ATG9B: variants seen among roughly 807,000 people sequenced by gnomAD.
ATG9B encodes autophagy-related protein 9B.
A neutral mutation model predicts 92.9 loss-of-function variants in ATG9B; 92 were observed. That is an observed-to-expected ratio of 0.99 (90% CI 0.84 to 1.18). The LOEUF is 1.18. ATG9B is among the 50% of genes most tolerant of loss of function. The pLI is 0.00. For synonymous variants in ATG9B, 599 were observed against 551.4 expected (o/e 1.09, Z -1.21); for missense variants, 1,344 against 1,235.0 (o/e 1.09, Z -1.32).
At position 151,021,190 on chromosome 7, in the gene ATG9B, G is replaced by C. The variant is rs1236745161; in HGVS notation, c.961C>G (p.Pro321Ala). 6.2e-7 allele frequency: 1 copy of C among 1,613,156 alleles called. No individual in the cohort carries two copies. Among genetic ancestry groups the C allele is most frequent in the East Asian group, 2.2e-5 (1 of 44,892 alleles). ...ACAGACACAGCCACCCAGCTCACCG[G>C]GGGGATGTGCAGGGCCTCCCTGTAA... ...VFYREALHIPPEELSSVPWAE... is the reference protein window; with the variant it reads ...VFYREALHIPAEELSSVPWAE... The change falls in exon 5 of 14, where the codon CCG (proline) becomes GCG (alanine). Residue 321 changes from proline (P) to alanine (A), a missense_variant and splice_region_variant. By Grantham distance (27) the Pro-to-Ala change is conservative. Coordinates refer to ENST00000639579, the MANE Select transcript of ATG9B (RefSeq NM_001317056.2).
intron 5 of ATG9B, chr7:151,019,698 G>A (rs963458604): frequency 1.4e-5 from 4 of 288,020 alleles, no homozygotes; most frequent in African/African-American, 8.7e-5. Flanking sequence ...GCTCCTTAAG[G>A]GCCTGAGGCC....
intron 1 of ATG9B, 29 bp from the exon 2 acceptor site, chr7:151,023,759 CT>C (rs1795839522): frequency 1.9e-6 from 3 of 1,613,824 alleles, no homozygotes; most frequent in Non-Finnish European, 2.5e-6. Context: ...GTGTCAGCCC[CT>C]GGCATGTGAT....
downstream of ATG9B, chr7:151,012,461 T>A: frequency 6.2e-7 from 1 of 1,612,102 alleles, no homozygotes; most frequent in Non-Finnish European, 8.5e-7. Context: ...CTGCATGACA[T>A]TGAGAGCAAA....
At position 151,019,259 on chromosome 7, in the gene ATG9B, C is replaced by A. The variant is rs765604444; in HGVS notation, c.1079G>T (p.Arg360Leu). ...RPLTELDIHH[R>L]ILRYTNYQVA... ...CTGGTAGTTGGTGTAGCGCAGGATGCGGTGGTGGATGTCCAGCTCCGTCAG... is the reference window on the plus strand; with the variant it reads ...CTGGTAGTTGGTGTAGCGCAGGATGAGGTGGTGGATGTCCAGCTCCGTCAG... The change falls in exon 6 of 14, where the codon CGC becomes CTC. Residue 360 changes from arginine (R) to leucine (L), a missense_variant. Arg to Leu is a moderately radical substitution (Grantham distance 102). Coordinates refer to ENST00000639579, the MANE Select transcript of ATG9B (RefSeq NM_001317056.2). 1 of 1,574,304 alleles carries A rather than the reference C, an allele frequency of 6.4e-7. No individual in the cohort carries two copies. The highest frequency in any genetic ancestry group is 8.6e-7 in the Non-Finnish European group (1 of 1,167,142).
chr7:151,017,942 C>T lies in ATG9B; in HGVS notation c.1981G>A (p.Val661Met). 4 of 1,609,784 alleles carry T rather than the reference C, an allele frequency of 2.5e-6. No individual in the cohort carries two copies. The highest frequency in any genetic ancestry group is 3.4e-6 in the Non-Finnish European group (4 of 1,177,984). The change falls in exon 8 of 14, where the codon GTG becomes ATG. Residue 661 changes from valine (V) to methionine (M), a missense_variant. Val to Met is a conservative substitution (Grantham distance 21, BLOSUM62 1). Transcript: ENST00000639579. ...EIIDFFHHFT[V>M]DVAGVGDICS... ...ATGTCCCCAACCCCAGCCACATCCA[C>T]AGTGAAGTGATGAAAAAAGTCGATA...
chr7:151,013,063 G>C (rs1228262387), downstream of ATG9B: 1 of 723,068 alleles, frequency 1.4e-6, no homozygotes, highest in Non-Finnish European at 2.3e-6. Flanking sequence ...GGCTGTGCAG[G>C]GTCTCTGTGA....
chr7:151,012,545 C>T, downstream of ATG9B: 1 of 1,522,568 alleles, frequency 6.6e-7, no homozygotes, highest in Non-Finnish European at 9.0e-7. Flanking sequence ...GGCTGGAAGG[C>T]AGGAAATAGG....
At chr7:151,013,813 C>T (rs779747649), downstream of ATG9B, 248 of 1,609,952 alleles carry the variant, frequency 1.5e-4, no homozygotes, top group South Asian at 1.2e-3. Context: ...TTGTCTGCGG[C>T]GATGTTACCA....
Position 151,024,039 on chromosome 7 carries a change from G to T in ATG9B, c.385C>A (p.Pro129Thr). The T allele has an allele frequency of 6.3e-7, 1 of 1,590,774 alleles. No individual in the cohort carries two copies. Among genetic ancestry groups the T allele is most frequent in the Admixed American group, 1.8e-5 (1 of 56,442 alleles). The change falls in exon 1 of 14, where the codon CCC becomes ACC. Residue 129 changes from proline to threonine, a missense_variant. Transcript: ENST00000639579. ...GAGTCCTGGGGGCACTGCTGTGAGG[G>T]AGTGGGGGTTGCCGGGGCCAGGGGT... ...TPPLAPATPT[P>T]SQQCPQDSPG...
At chr7:151,012,524 C>CA, downstream of ATG9B, 1 of 1,574,096 alleles carries the variant, frequency 6.4e-7, no homozygotes, top group Middle Eastern at 1.7e-4. Flanking sequence ...AATCTAGGGA[C>CA]AGAGGGGTGG....
chr7:151,017,977 G>C lies in ATG9B; in HGVS notation c.1946C>G (p.Ala649Gly), dbSNP rs780590552. ...LFLLFWFRPR[A>G]LEIIDFFHHF... is the part of the protein sequence containing the mutation. ...ATGAAAAAAGTCGATAATCTCCAGG[G>C]CACGAGGGCGGAACCAGAAAAGCAG... Residue 649 changes from alanine (A) to glycine (G), a missense_variant, in exon 8 of 14, where the codon GCC becomes GGC. Ala to Gly is a moderately conservative substitution (Grantham distance 60). Coordinates refer to ENST00000639579, the MANE Select transcript of ATG9B (RefSeq NM_001317056.2). The C allele has an allele frequency of 6.2e-7, 1 of 1,606,290 alleles. No individual in the cohort carries two copies. The highest frequency in any genetic ancestry group is 1.3e-5 in the African/African-American group (1 of 74,962).
At chr7:151,013,712 G>GCCGC, downstream of ATG9B, 1 of 1,157,588 alleles carries the variant, frequency 8.6e-7, no homozygotes, top group South Asian at 1.3e-5. Context: ...CCCTAACCCC[G>GCCGC]CCGCCCCGCA....
intron 9 of ATG9B, 65 bp downstream of exon 9, chr7:151,016,971 G>C (rs556699829): frequency 6.6e-7 from 1 of 1,524,838 alleles, no homozygotes; most frequent in African/African-American, 1.4e-5. Context: ...TGAGCCTAGA[G>C]GGGAAGGGTT....
intron 8 of ATG9B, 31 bp downstream of exon 8, chr7:151,017,840 C>G (rs1484931065): frequency 1.3e-6 from 2 of 1,552,354 alleles, no homozygotes; most frequent in South Asian, 2.4e-5. Context: ...CCACCCAGCC[C>G]AAACCCCCAG....
chr7:151,016,187 A>T lies in ATG9B; in HGVS notation c.2569T>A (p.Ser857Thr), dbSNP rs1256979431. 3 of 1,525,942 alleles carry T rather than the reference A, an allele frequency of 2.0e-6. No homozygotes were observed. The highest frequency in any genetic ancestry group is 4.2e-5 in the Admixed American group (2 of 48,130). The allele number at this position is 1,525,942 out of a possible 1,614,324, so 94.5% of individuals were successfully genotyped here. The change falls in exon 12 of 14, where the codon TCC becomes ACC. Residue 857 changes from serine to threonine, a missense_variant. By Grantham distance (58) the Ser-to-Thr change is moderately conservative. Coordinates refer to ENST00000639579, the MANE Select transcript of ATG9B (RefSeq NM_001317056.2). ...CTGGAGCAGGGCCTGGACAGGATGG[A>T]GGCTGCAGCCTCACCCCACGGCTCC... Reference protein sequence around the residue: ...QQEPWGEAAASILSRPCSSPS... With the variant: ...QQEPWGEAAATILSRPCSSPS...
chr7:151,013,701 G>A (rs1453627574), downstream of ATG9B: 1 of 879,826 alleles, frequency 1.1e-6, no homozygotes, highest in South Asian at 1.4e-5. Flanking sequence ...ACCAGGGCCC[G>A]CCCTAACCCC....
At chr7:151,012,224 TG>T, downstream of ATG9B, 1 of 841,428 alleles carries the variant, frequency 1.2e-6, no homozygotes, top group East Asian at 2.8e-5. Flanking sequence ...TTTTGTTTTT[TG>T]TTTTTTTTTT....
chr7:151,013,552 TCCCGCCCCTGC>T (rs902753979), downstream of ATG9B: 6 of 931,714 alleles, frequency 6.4e-6, no homozygotes, highest in African/African-American at 6.0e-5. Flanking sequence ...GCCCGCCTCC[TCCCGCCCCTGC>T]CCCGCCCCTT....
chr7:151,018,387 G>A lies in ATG9B; in HGVS notation c.1779C>T (p.Ala593=), dbSNP rs1336391018. 4 of 1,586,008 alleles carry A rather than the reference G, an allele frequency of 2.5e-6. No individual in the cohort carries two copies. Among genetic ancestry groups the A allele is most frequent in the Admixed American group, 1.8e-5 (1 of 54,352 alleles). ...GRAPQLLLQT[A]LAHMHYLPEE... ...CCGGGAGGTAGTGCATGTGGGCCAG[G>A]GCTGTCTGCAGCAGGAGCTGCGGCG... The change falls in exon 7 of 14, where the codon GCC becomes GCT. Residue 593 remains alanine, a synonymous_variant. Coordinates refer to ENST00000639579, the MANE Select transcript of ATG9B (RefSeq NM_001317056.2). This position sits in a 1 kb window ranked among gnomAD's most constrained non-coding sequence, Gnocchi z 4.7.
Sources: gnomAD v4.1 joint callset for allele counts on GRCh38, gnomAD v4.1.1 for gene constraint, Gnocchi (gnomAD v3.1) non-coding constraint, MANE v1.5 for transcripts, NCBI Gene and HGNC (gene_info 2026-07-23, HGNC 2026-07-21) for gene names.